MSL3: variants seen among roughly 807,000 people sequenced by gnomAD.
The protein encoded by MSL3 is MSL3-like 1.
In MSL3, 5 loss-of-function variants were observed where a neutral mutation model predicts 37.2. The observed-to-expected ratio is 0.13, with a 90% CI of 0.07 to 0.28. The LOEUF (loss-of-function observed/expected upper bound fraction) is 0.28, where lower values mean the gene tolerates loss of function less well. Among genes scored for constraint, MSL3 ranks in the 10% least tolerant of loss-of-function variants. The pLI is 1.00. For synonymous variants in MSL3, 149 were observed against 147.6 expected (o/e 1.01, Z -0.07); for missense variants, 315 against 408.5 (o/e 0.77, Z 1.97).
rs150938844 is a variant in MSL3, at chrX:11,758,268, G to C, written c.5G>C (p.Ser2Thr). 595 of 1,059,721 alleles carry C rather than the reference G, an allele frequency of 5.6e-4. 4 individuals carry two copies. The highest frequency in any genetic ancestry group is 9.3e-5 in the Non-Finnish European group (75 of 810,127). 87.3% of individuals were successfully genotyped at this position (1,059,721 alleles called of 1,213,427 possible). Residue 2 changes from serine (S) to threonine (T), a missense_variant, in exon 1 of 13, where the codon AGC becomes ACC. Transcript: ENST00000312196. ...GCCCTCCGCCACGATGAGCAAATGA[G>C]CGCGAGCGAGGGCATGAAATTTAAA... M[S>T]ASEGMKFKFH... is the part of the protein sequence containing the mutation.
chrX:11,775,072 T>C lies in MSL3; in HGVS notation c.1559T>C (p.Ile520Thr). ...TACAGCACCAAGAACCCCCGGGCAATTTATTAAAATGTTGTTGGTTCTGTA... is the reference window on the plus strand; with the variant it reads ...TACAGCACCAAGAACCCCCGGGCAACTTATTAAAATGTTGTTGGTTCTGTA... ...AHYSTKNPRA[I>T]Y The change falls in exon 13 of 13, where the codon ATT (isoleucine) becomes ACT (threonine). Residue 520 changes from isoleucine (I) to threonine (T), a missense_variant. Ile to Thr is a moderately conservative substitution (Grantham distance 89, BLOSUM62 -1). Coordinates refer to ENST00000312196, the MANE Select transcript of MSL3 (RefSeq NM_078629.4). The C allele has an allele frequency of 8.4e-7, 1 of 1,196,520 alleles. No individual in the cohort carries two copies. Among genetic ancestry groups the C allele is most frequent in the Non-Finnish European group, 1.1e-6 (1 of 882,692 alleles).
chrX:11,770,644 T>C (rs2053224735), intron 10 of MSL3, among the ~76,000 whole-genome samples: 1 of 111,318 alleles, frequency 9.0e-6, no homozygotes, highest in African/African-American at 3.3e-5. Context: ...TACTAGGGGC[T>C]GGTCTGGGCC....
chrX:11,767,787 C>G, intron 9 of MSL3: 1 of 548,553 alleles, frequency 1.8e-6, no homozygotes, highest in Non-Finnish European at 2.2e-6. Context: ...CCCTATGTCC[C>G]CTGACAACCA....
Position 11,760,892 on chromosome X carries a change from T to A in MSL3, c.337T>A (p.Leu113Ile). Residue 113 changes from leucine (L) to isoleucine (I), a missense_variant, in exon 4 of 13, where the codon TTA (leucine) becomes ATA (isoleucine). Leu to Ile is a conservative substitution (Grantham distance 5). Transcript: ENST00000312196. ...CAGGTTGCCTGGTGTGGACTCTGTC[T>A]TAAAAGGCCTCCCCACTGAAGAAAA... Reference protein sequence around the residue: ...RCRLPGVDSVLKGLPTEEKDE... With the variant: ...RCRLPGVDSVIKGLPTEEKDE... The A allele has an allele frequency of 8.3e-7, 1 of 1,202,720 alleles. No homozygotes were observed. Among genetic ancestry groups the A allele is most frequent in the Non-Finnish European group, 1.1e-6 (1 of 890,372 alleles).
intron 1 of MSL3, among the ~76,000 whole-genome samples, chrX:11,759,358 G>C: frequency 8.9e-6 from 1 of 111,793 alleles, no homozygotes; most frequent in Middle Eastern, 4.6e-3. Context: ...GGAGGGGGGG[G>C]GGCACGCCCC....
chrX:11,761,419 A>G (rs2107422), intron 4 of MSL3, 81 bp from the exon 5 acceptor site: 90,086 of 537,064 alleles, frequency 0.17, 7,173 homozygotes, highest in African/African-American at 0.46. Context: ...AGTAGCACCC[A>G]CACTACACGT....
chrX:11,761,331 A>G (rs187800459), intron 4 of MSL3, among the ~76,000 whole-genome samples, 169 bp from the exon 5 acceptor site: 3 of 113,032 alleles, frequency 2.7e-5, no homozygotes, highest in Non-Finnish European at 5.6e-5. Flanking sequence ...TTGGTTGTCA[A>G]AATAAATTTC....
At chrX:11,764,201 G>A in intron 8 of MSL3, 1 of 245,193 alleles carries the variant, frequency 4.1e-6, no homozygotes, top group Non-Finnish European at 7.2e-6. Context: ...CCCATTTTGG[G>A]GAAGACGGTA....
At chrX:11,768,732 C>G in intron 10 of MSL3, 50 bp downstream of exon 10, 1 of 835,015 alleles carries the variant, frequency 1.2e-6, no homozygotes, top group South Asian at 2.1e-5. Context: ...TTTGTGATTA[C>G]TTCAATTCTA....
intron 2 of MSL3, 82 bp downstream of exon 2, chrX:11,759,957 T>C: frequency 8.4e-6 from 9 of 1,069,241 alleles, no homozygotes; most frequent in Non-Finnish European, 1.1e-5. Context: ...TCAGAAACAC[T>C]TGTAGAGAAG....
intron 9 of MSL3, chrX:11,766,096 C>T: frequency 1.1e-6 from 1 of 902,531 alleles, no homozygotes; most frequent in Non-Finnish European, 1.4e-6. Flanking sequence ...TCTTTGTACT[C>T]TGTCTCTGTA....
intron 4 of MSL3, among the ~76,000 whole-genome samples, chrX:11,761,211 G>T (rs923157066): frequency 9.8e-5 from 11 of 111,913 alleles, no homozygotes; most frequent in African/African-American, 3.3e-4. Context: ...TCTCTTTTTG[G>T]CACCTCCCAG....
At chrX:11,760,628 G>C (rs2053123279) in intron 3 of MSL3, 130 bp downstream of exon 3, 1 of 506,208 alleles carries the variant, frequency 2.0e-6, no homozygotes, top group Non-Finnish European at 3.1e-6. Context: ...TTTAAAGTGT[G>C]TAAGGGGAAG....
intron 1 of MSL3, 90 bp downstream of exon 1, chrX:11,758,455 G>A (rs2053093133): frequency 1.1e-6 from 1 of 933,756 alleles, no homozygotes; most frequent in Non-Finnish European, 1.4e-6. Context: ...GCGGAGCTGA[G>A]GGACCGGCCG....
chrX:11,763,036 G>A, intron 7 of MSL3, 39 bp downstream of exon 7: 2 of 1,095,564 alleles, frequency 1.8e-6, no homozygotes, highest in East Asian at 6.4e-5. Context: ...GGTTCTCTCT[G>A]TATTAGAGAG....
At chrX:11,758,169 CGG>C, upstream of MSL3, 1 of 203,035 alleles carries the variant, frequency 4.9e-6, no homozygotes, top group African/African-American at 3.1e-5. Context: ...CGGCCCCCCC[CGG>C]CCACGGCGCA....
chrX:11,773,620 A>G (rs1454069566), intron 12 of MSL3, among the ~76,000 whole-genome samples: 2 of 112,144 alleles, frequency 1.8e-5, no homozygotes, highest in Admixed American at 1.9e-4. Context: ...TTCCTCAACA[A>G]AACCCACAAC....
chrX:11,774,504 A>G (rs2053257981), intron 12 of MSL3, among the ~76,000 whole-genome samples: 1 of 110,849 alleles, frequency 9.0e-6, no homozygotes, highest in Non-Finnish European at 1.9e-5. Context: ...TGTTTTTAGT[A>G]GAGACGGGGT....
At chrX:11,767,930 A>G in intron 9 of MSL3, 1 of 754,025 alleles carries the variant, frequency 1.3e-6, no homozygotes, top group Non-Finnish European at 1.6e-6. Context: ...TTTTAAAAAG[A>G]CTGTTTTTAA....
Sources: allele counts gnomAD v4.1 joint callset (sites outside exome capture counted in the v4.1 genomes callset), GRCh38; gene constraint gnomAD v4.1.1; transcripts MANE v1.5; gene names NCBI Gene and HGNC (gene_info 2026-07-23, HGNC 2026-07-21).